Variants in LDAH observed in about 807,000 individuals in gnomAD.
The protein encoded by LDAH is lipid droplet associated hydrolase, also known as lipid droplet-associated hydrolase.
LDAH carries 26 observed loss-of-function variants against 29.6 expected under a neutral mutation model. The ratio of observed to expected loss-of-function variants is 0.88; its 90% CI spans 0.64 to 1.22. The LOEUF (loss-of-function observed/expected upper bound fraction) is 1.22, where lower values mean the gene tolerates loss of function less well. Ranked by LOEUF, LDAH falls within the 50% of genes most tolerant of loss-of-function variation. The pLI is 0.00. For synonymous variants in LDAH, 117 were observed against 133.0 expected, an observed-to-expected ratio of 0.88 and a Z score of 0.83; for missense variants, 344 against 387.3, an observed-to-expected ratio of 0.89 and a Z score of 0.94.
chr2:20,724,104 C>T (rs1355488750), intron 5 of LDAH, among the ~76,000 whole-genome samples: 1 of 152,152 alleles, frequency 6.6e-6, no homozygotes, highest in Non-Finnish European at 1.5e-5. Context: ...AATGTTATCA[C>T]CCAATTCTCC....
At chr2:20,790,493 A>G (rs964653539) in intron 2 of LDAH, 95 bp from the exon 3 acceptor site, 2 of 1,040,408 alleles carry the variant, frequency 1.9e-6, no homozygotes, top group South Asian at 1.5e-5. Flanking sequence ...TTCTTTTCAC[A>G]CTTTCCTCTG....
chr2:20,807,429 T>C (rs1394370965), intron 1 of LDAH, among the ~76,000 whole-genome samples: 2 of 152,126 alleles, frequency 1.3e-5, no homozygotes, highest in African/African-American at 2.4e-5. Context: ...AAGGTTGAGA[T>C]AGATGCAAAA....
chr2:20,689,558 G>A (rs1312720291), intron 6 of LDAH, among the ~76,000 whole-genome samples: 1 of 152,160 alleles, frequency 6.6e-6, no homozygotes, highest in Non-Finnish European at 1.5e-5. Context: ...CAACTACCCT[G>A]CTATAGCTTT....
Position 20,737,738 on chromosome 2 carries a change from G to A in LDAH, c.703+2233C>T, listed in dbSNP as rs1021905893. On this transcript the variant is annotated intron_variant, in intron 5 of 6. Coordinates refer to ENST00000237822, the MANE Select transcript of LDAH (RefSeq NM_021925.4). ...TCTGTTCCATAATATTTTCAGAGGCGTGTGAACCAGAGAGACTTCATTTTG... is the reference window on the plus strand; with the variant it reads ...TCTGTTCCATAATATTTTCAGAGGCATGTGAACCAGAGAGACTTCATTTTG... Among the ~76,000 whole-genome samples the A allele has an allele frequency of 3.3e-5, 5 of 152,260 alleles. No homozygotes were observed. The East Asian group carries it at 5.8e-4, about 18-fold the overall frequency.
chr2:20,807,090 T>C (rs890829358), intron 1 of LDAH, among the ~76,000 whole-genome samples: 2 of 151,922 alleles, frequency 1.3e-5, no homozygotes, highest in Admixed American at 1.3e-4. Flanking sequence ...AAAAAGGATA[T>C]CACTCCAGAT....
intron 5 of LDAH, among the ~76,000 whole-genome samples, chr2:20,718,193 T>C (rs1460569407): frequency 6.6e-6 from 1 of 152,102 alleles, no homozygotes; most frequent in Non-Finnish European, 1.5e-5. Flanking sequence ...GTAAATCAAC[T>C]AAATTCTCCA....
intron 6 of LDAH, among the ~76,000 whole-genome samples, chr2:20,692,843 T>G (rs1308571861): frequency 6.6e-6 from 1 of 152,174 alleles, no homozygotes; most frequent in Admixed American, 6.5e-5. Context: ...AAACGGCATT[T>G]CTGGGGGTGT....
intron 4 of LDAH, among the ~76,000 whole-genome samples, chr2:20,773,464 G>A (rs1335030416): frequency 6.6e-6 from 1 of 152,014 alleles, no homozygotes; most frequent in Non-Finnish European, 1.5e-5. Flanking sequence ...AGGAGACTTC[G>A]AAGGCACAAA....
Position 20,685,451 on chromosome 2 carries a change from G to C in LDAH, c.*1452C>G. On this transcript the variant is annotated 3_prime_UTR_variant, in exon 7 of 7. Transcript: ENST00000237822. Reference sequence around the variant, plus strand: ...ATTAGCTCTTCCCCTTGGGCTAACAGCACTCCTTGTCTGGAGCTTGGCTTT... The same window carrying C: ...ATTAGCTCTTCCCCTTGGGCTAACACCACTCCTTGTCTGGAGCTTGGCTTT... 2 of 1,473,046 alleles carry C rather than the reference G, an allele frequency of 1.4e-6. No individual in the cohort carries two copies. The highest frequency in any genetic ancestry group is 1.8e-6 in the Non-Finnish European group (2 of 1,100,958). The allele number at this position is 1,473,046 out of a possible 1,614,324, so 91.2% of individuals were successfully genotyped here. A position where few individuals can be genotyped will look rare whatever the true frequency, so the allele number is the denominator to read the frequency against.
chr2:20,788,607 G>A (rs1670722123), intron 3 of LDAH, among the ~76,000 whole-genome samples: 1 of 152,050 alleles, frequency 6.6e-6, no homozygotes, highest in Non-Finnish European at 1.5e-5. Context: ...AAACTGAGAA[G>A]CTCAATAAGC....
chr2:20,706,222 A>G (rs1664295445), intron 5 of LDAH, among the ~76,000 whole-genome samples: 1 of 152,224 alleles, frequency 6.6e-6, no homozygotes, highest in African/African-American at 2.4e-5. Flanking sequence ...CTTAGGAGAA[A>G]AAAAAGTTTG....
intron 4 of LDAH, among the ~76,000 whole-genome samples, chr2:20,766,471 A>G (rs1034272581): frequency 1.1e-4 from 17 of 152,178 alleles, no homozygotes; most frequent in African/African-American, 3.9e-4. Context: ...TACTCCATCA[A>G]TCTGGATTCT....
chr2:20,708,171 G>C (rs1664447544), intron 5 of LDAH, among the ~76,000 whole-genome samples: 1 of 152,130 alleles, frequency 6.6e-6, no homozygotes. Flanking sequence ...TAATGTGCTT[G>C]AATCATCCCC....
At chr2:20,699,532 G>A (rs1167107576) in intron 6 of LDAH, among the ~76,000 whole-genome samples, 1 of 152,190 alleles carries the variant, frequency 6.6e-6, no homozygotes, top group Non-Finnish European at 1.5e-5. Context: ...CTTAGGAGCT[G>A]TAATTGTATT....
intron 5 of LDAH, among the ~76,000 whole-genome samples, chr2:20,722,459 G>A (rs747705400): frequency 3.0e-4 from 46 of 151,520 alleles, no homozygotes; most frequent in Non-Finnish European, 5.9e-4. Flanking sequence ...GAAAGGAAGC[G>A]GGGTGGAACA....
intron 5 of LDAH, among the ~76,000 whole-genome samples, chr2:20,720,194 T>C (rs150987649): frequency 3.3e-5 from 5 of 152,256 alleles, no homozygotes; most frequent in Non-Finnish European, 7.4e-5. Flanking sequence ...GATGACATGA[T>C]CTTTTATTTA....
At chr2:20,696,358 G>T (rs1478868597) in intron 6 of LDAH, among the ~76,000 whole-genome samples, 1 of 152,186 alleles carries the variant, frequency 6.6e-6, no homozygotes, top group Non-Finnish European at 1.5e-5. Flanking sequence ...TGTTCTTGAG[G>T]ACACTTGCCC....
At chr2:20,784,809 C>G (rs560505263) in intron 3 of LDAH, among the ~76,000 whole-genome samples, 2 of 152,174 alleles carry the variant, frequency 1.3e-5, no homozygotes, top group South Asian at 2.1e-4. Flanking sequence ...ATCACCTGAT[C>G]CTGGCAGGTT....
intron 5 of LDAH, among the ~76,000 whole-genome samples, chr2:20,718,442 A>C (rs142284080): frequency 5.9e-4 from 90 of 152,284 alleles, no homozygotes; most frequent in African/African-American, 2.1e-3. Flanking sequence ...AATTATAAAG[A>C]TATCAATTCA....
Sources: allele counts gnomAD v4.1 joint callset (sites outside exome capture counted in the v4.1 genomes callset), GRCh38; gene constraint gnomAD v4.1.1; transcripts MANE v1.5; gene names NCBI Gene and HGNC (gene_info 2026-07-23, HGNC 2026-07-21).